The following CLCA2 variants were observed in gnomAD, a reference collection of about 807,000 sequenced individuals.
CLCA2 encodes the protein chloride channel accessory 2.
CLCA2 carries 85 observed loss-of-function variants against 82.9 expected under a neutral mutation model. That is an observed-to-expected ratio of 1.03 (90% confidence interval 0.86 to 1.23). The LOEUF is 1.23. CLCA2 is among the 50% of genes most tolerant of loss of function. CLCA2 has a pLI of 0.00. For missense variants in CLCA2, 1,089 were observed against 1,124.8 expected (o/e 0.97, Z 0.45); for synonymous variants, 421 against 391.7 (o/e 1.07, Z -0.88).
intron 6 of CLCA2, among the ~76,000 whole-genome samples, chr1:86,438,331 A>G (rs1186135613): frequency 6.6e-6 from 1 of 152,222 alleles, no homozygotes; most frequent in Non-Finnish European, 1.5e-5. Context: ...CTGTACTGCC[A>G]TATATGTATC....
In CLCA2 at chr1:86,455,171, C is replaced by T. The variant is rs1167176575; in HGVS notation, c.2476C>T (p.Arg826Ter). 12 of 1,612,910 alleles carry T rather than the reference C, an allele frequency of 7.4e-6. No individual in the cohort carries two copies. Among genetic ancestry groups the T allele is most frequent in the Middle Eastern group, 1.6e-4 (1 of 6,080 alleles). Residue 826 changes from arginine (R) to a stop codon, truncating the protein, a stop_gained, in exon 14 of 14, where the codon CGA (arginine) becomes TGA (stop). Transcript: ENST00000370565. LOFTEE classifies it low-confidence loss of function (END_TRUNC). ...TGCTATTTTAGTAAATACATCAAAG[C>T]GAAATCCTCAGCAAGCTGGCATCAG... ...NNAILVNTSK[R>*]NPQQAGIREI...
intron 11 of CLCA2, among the ~76,000 whole-genome samples, chr1:86,448,770 C>T (rs1662906287): frequency 6.6e-6 from 1 of 152,202 alleles, no homozygotes; most frequent in Non-Finnish European, 1.5e-5. Context: ...CTGGGGGATA[C>T]CAGAGAAGTC....
At chr1:86,427,993 A>G (rs1662422100) in intron 2 of CLCA2, among the ~76,000 whole-genome samples, 1 of 152,224 alleles carries the variant, frequency 6.6e-6, no homozygotes, top group Non-Finnish European at 1.5e-5. Context: ...GTAACATTTT[A>G]CAGCCTTCTG....
Position 86,440,154 on chromosome 1 carries a change from G to C in CLCA2, c.1210G>C (p.Glu404Gln). The C allele has an allele frequency of 6.2e-7, 1 of 1,613,738 alleles. No individual in the cohort carries two copies. The highest frequency in any genetic ancestry group is 8.5e-7 in the Non-Finnish European group (1 of 1,179,870). Residue 404 changes from glutamate (E) to glutamine (Q), a missense_variant, in exon 8 of 14, where the codon GAA (glutamate) becomes CAA (glutamine). Physicochemically the swap from Glu to Gln is conservative, Grantham distance 29. Transcript: ENST00000370565. ...SGLKKGFEVV[E>Q]KLNGKAYGSV... ...ACTAATTCTCTATGTTCAGGTGGTTGAAAAACTGAATGGAAAAGCTTATGG... is the reference window on the plus strand; with the variant it reads ...ACTAATTCTCTATGTTCAGGTGGTTCAAAAACTGAATGGAAAAGCTTATGG...
At position 86,453,033 on chromosome 1, in the gene CLCA2, C is replaced by T. The variant is rs533121204; in HGVS notation, c.2156-336C>T. The stretch of plus-strand genomic sequence containing the variant: ...ACTAAAAATACAAAAATTAGCTGCA[C>T]GTGGTGACGGGCACCTGTAATCCCA... On this transcript the variant is annotated intron_variant, in intron 12 of 13. Transcript: ENST00000370565. Among the ~76,000 whole-genome samples, 4 of 152,168 alleles carry T rather than the reference C, an allele frequency of 2.6e-5. 1 individual carries two copies. In the South Asian group the frequency reaches 8.3e-4, roughly 32 times the overall value.
intron 13 of CLCA2, 109 bp downstream of exon 13, chr1:86,453,711 C>G (rs921695594): frequency 3.2e-6 from 3 of 938,382 alleles, no homozygotes; most frequent in Non-Finnish European, 4.7e-6. Flanking sequence ...GTGAAAAGCT[C>G]TGAGTTGCTG....
chr1:86,427,015 A>C (rs1355030057), intron 2 of CLCA2, among the ~76,000 whole-genome samples: 1 of 152,144 alleles, frequency 6.6e-6, no homozygotes, highest in Non-Finnish European at 1.5e-5. Flanking sequence ...CCAATTCTTT[A>C]ACCTCAGAAT....
At chr1:86,450,087 T>C (rs1410796658) in intron 11 of CLCA2, among the ~76,000 whole-genome samples, 2 of 152,162 alleles carry the variant, frequency 1.3e-5, no homozygotes, top group East Asian at 3.8e-4. Flanking sequence ...ACCAAAGTTT[T>C]TATTTATTAA....
rs56272027 is a variant in CLCA2, at chr1:86,454,517, C to T, written c.2390-568C>T. ...AAATAAAATCACATAACAGACCAGG[C>T]GCAGTGGCTCACGCCTGAAATCCCA... On this transcript the variant is annotated intron_variant, in intron 13 of 13. Coordinates refer to ENST00000370565, the MANE Select transcript of CLCA2 (RefSeq NM_006536.7). 1.1e-4 allele frequency among the ~76,000 whole-genome samples: 17 copies of T among 152,094 alleles called. No individual in the cohort carries two copies. The South Asian group carries it at 1.5e-3, about 13-fold the overall frequency.
At chr1:86,436,452 A>T (rs1425922133) in intron 6 of CLCA2, among the ~76,000 whole-genome samples, 1 of 152,144 alleles carries the variant, frequency 6.6e-6, no homozygotes, top group Non-Finnish European at 1.5e-5. Flanking sequence ...TGTCTACTTC[A>T]TAGGGTTATT....
chr1:86,441,054 A>G (rs1304050776), intron 8 of CLCA2, among the ~76,000 whole-genome samples: 1 of 152,228 alleles, frequency 6.6e-6, no homozygotes, highest in East Asian at 1.9e-4. Flanking sequence ...GACAAATGAA[A>G]GGTTTTATTG....
rs1198811156 is a variant in CLCA2, at chr1:86,425,425, C to T, written c.273C>T (p.Ala91=). The T allele has an allele frequency of 1.3e-6, 2 of 1,564,658 alleles. No individual in the cohort carries two copies. The highest frequency in any genetic ancestry group is 1.7e-6 in the Non-Finnish European group (2 of 1,153,650). ...FFRNIKILIP[A]TWKANNNSKI... ...GAAATATAAAGATTTTAATACCTGC[C>T]ACATGGAAAGCTAATAATAACAGCA... Residue 91 remains alanine, a synonymous_variant, in exon 2 of 14, where the codon GCC becomes GCT. Transcript: ENST00000370565.
chr1:86,450,705 T>C lies in CLCA2; in HGVS notation c.2127T>C (p.Ala709=). The stretch of plus-strand genomic sequence containing the variant: ...CCCACTCTATTCCAGGGAGTCATGC[T>C]ATGTATGTACCAGGTTACACAGCAA... ...TPAHSIPGSH[A]MYVPGYTANG... The change falls in exon 12 of 14, where the codon GCT becomes GCC. Residue 709 remains alanine (A), a synonymous_variant. Coordinates refer to ENST00000370565, the MANE Select transcript of CLCA2 (RefSeq NM_006536.7). The C allele has an allele frequency of 6.2e-7, 1 of 1,610,906 alleles. No homozygotes were observed. The highest frequency in any genetic ancestry group is 8.5e-7 in the Non-Finnish European group (1 of 1,178,296).
In CLCA2 at chr1:86,424,300, T is replaced by C; in HGVS notation, c.53T>C (p.Leu18Pro). 6.2e-7 allele frequency: 1 copy of C among 1,613,966 alleles called. No individual in the cohort carries two copies. Among genetic ancestry groups the C allele is most frequent in the Non-Finnish European group, 8.5e-7 (1 of 1,179,896 alleles). The change falls in exon 1 of 14, where the codon CTC (leucine) becomes CCC (proline). Residue 18 changes from leucine (L) to proline (P), a missense_variant. Transcript: ENST00000370565. ...GPICNLKFVT[L>P]LVALSSELPF... is the part of the protein sequence containing the mutation. Reference sequence around the variant, plus strand: ...ATTTGCAACCTGAAGTTTGTGACTCTCCTGGTTGCCTTAAGTTCAGAACTC... The same window carrying C: ...ATTTGCAACCTGAAGTTTGTGACTCCCCTGGTTGCCTTAAGTTCAGAACTC...
intron 8 of CLCA2, 79 bp downstream of exon 8, chr1:86,440,404 T>C (rs1662703966): frequency 8.4e-7 from 1 of 1,197,292 alleles, no homozygotes; most frequent in East Asian, 2.5e-5. Flanking sequence ...TGAAACTCAT[T>C]ATATGGCTTA....
chr1:86,438,286 A>G lies in CLCA2; in HGVS notation c.973-590A>G, dbSNP rs140595126. 1.8e-4 allele frequency among the ~76,000 whole-genome samples: 28 copies of G among 152,316 alleles called. No homozygotes were observed. In the East Asian group the frequency reaches 5.2e-3, roughly 28 times the overall value. ...CACCTGCCCAAAACTGGTCACTAAT[A>G]TTACTTTACACCTGGTTAGCCCTTC... On this transcript the variant is annotated intron_variant, in intron 6 of 13. Transcript: ENST00000370565.
chr1:86,455,065 T>A lies in CLCA2; in HGVS notation c.2390-20T>A. 1 of 1,395,058 alleles carries A rather than the reference T, an allele frequency of 7.2e-7. No homozygotes were observed. The allele number at this position is 1,395,058 out of a possible 1,614,324, so 86.4% of individuals were successfully genotyped here. On this transcript the variant is annotated intron_variant, in intron 13 of 13. Transcript: ENST00000370565. ...TACTCAAAGTGACTTAATTTTCCTA[T>A]TTATATTTTTTAATTTCAGCTACAA...
At chr1:86,447,854 G>A (rs913841064) in intron 11 of CLCA2, 76 bp downstream of exon 11, 1 of 1,431,962 alleles carries the variant, frequency 7.0e-7, no homozygotes, top group Non-Finnish European at 9.3e-7. Context: ...TCAATATTAA[G>A]CTTATCTGTA....
intron 8 of CLCA2, among the ~76,000 whole-genome samples, chr1:86,440,642 T>G (rs1023290340): frequency 7.9e-5 from 12 of 152,200 alleles, no homozygotes; most frequent in African/African-American, 2.4e-4. Context: ...GGCTCACACC[T>G]GTAATCCCAG....
Sources: gnomAD v4.1 joint callset for allele counts (sites outside exome capture counted in the v4.1 genomes callset) on GRCh38, gnomAD v4.1.1 for gene constraint, MANE v1.5 for transcripts, NCBI Gene and HGNC (gene_info 2026-07-23, HGNC 2026-07-21) for gene names.